Variants in SPINK9 observed in about 807,000 individuals in gnomAD.
SPINK9 encodes the protein serine peptidase inhibitor Kazal type 9.
In SPINK9, 3 loss-of-function variants were observed where a neutral mutation model predicts 10.8. The ratio of observed to expected loss-of-function variants is 0.28; its 90% CI spans 0.13 to 0.72. The LOEUF (loss-of-function observed/expected upper bound fraction) is 0.72. Ranked by LOEUF, SPINK9 falls within the 30% of genes least tolerant of loss-of-function variation. The pLI is 0.74. For synonymous variants in SPINK9, 30 were observed against 31.2 expected, an observed-to-expected ratio of 0.96 and a Z score of 0.12; for missense variants, 101 against 103.2, an observed-to-expected ratio of 0.98 and a Z score of 0.09.
intron 2 of SPINK9, among the ~76,000 whole-genome samples, chr5:148,328,230 TA>T (rs1375626514): frequency 6.6e-6 from 1 of 152,182 alleles, no homozygotes; most frequent in Non-Finnish European, 1.5e-5. Context: ...ACATCCCTTG[TA>T]AGTTGGATTC....
In SPINK9 at chr5:148,339,784, T is replaced by G; in HGVS notation, c.*72T>G. 1 of 1,293,642 alleles carries G rather than the reference T, an allele frequency of 7.7e-7. No individual in the cohort carries two copies. The highest frequency in any genetic ancestry group is 1.2e-5 in the South Asian group (1 of 83,268). The allele number at this position is 1,293,642 out of a possible 1,614,324, so 80.1% of individuals were successfully genotyped here. A position where few individuals can be genotyped will look rare whatever the true frequency, so the allele number is the denominator to read the frequency against. On this transcript the variant is annotated 3_prime_UTR_variant, in exon 4 of 4. Coordinates refer to ENST00000377906, the MANE Select transcript of SPINK9 (RefSeq NM_001040433.2). ...GAGTCACATTTCTGTTCCCATATTA[T>G]CTATGCCACATTGCCTACTCATCAC... is the stretch of plus-strand genomic sequence containing the variant.
rs367752009 is a variant in SPINK9, at chr5:148,339,705, A to C, written c.254A>C (p.Lys85Thr). 2 of 1,612,194 alleles carry C rather than the reference A, an allele frequency of 1.2e-6. No individual in the cohort carries two copies. Among genetic ancestry groups the C allele is most frequent in the Non-Finnish European group, 1.7e-6 (2 of 1,178,756 alleles). ...ACACTTAAATTTGTACATTTTGGAA[A>C]ATGTTAAATCTATCTTGTGAGTCCA... ...DGTLKFVHFG[K>T]C The change falls in exon 4 of 4, where the codon AAA (lysine) becomes ACA (threonine). Residue 85 changes from lysine to threonine, a missense_variant. Coordinates refer to ENST00000377906, the MANE Select transcript of SPINK9 (RefSeq NM_001040433.2).
chr5:148,336,291 T>TA (rs2113422903), intron 1 of SPINK9, 131 bp from the exon 2 acceptor site: 1 of 940,570 alleles, frequency 1.1e-6, no homozygotes, highest in South Asian at 1.6e-5. Context: ...ACAATGCTGA[T>TA]ACACAGTTGT....
chr5:148,335,714 C>T lies in SPINK9; in HGVS notation c.55+46C>T, dbSNP rs747293724. The T allele has an allele frequency of 1.1e-5, 18 of 1,587,280 alleles. No individual in the cohort carries two copies. The Admixed American group carries it at 2.3e-4, about 21-fold the overall frequency. On this transcript the variant is annotated intron_variant, in intron 1 of 3. Coordinates refer to ENST00000377906, the MANE Select transcript of SPINK9 (RefSeq NM_001040433.2). ...TGCCCCTGCCCTTGTACTAATAGCT[C>T]ATGCAGTCTTCTGCCTATGTAATTC...
In SPINK9 at chr5:148,323,629, C is replaced by T. The variant is rs892518014; in HGVS notation, c.-72-50C>T. ...CCCACATGGGAAGCTGCTAACTTGC[C>T]GTCATATGAATGTGAAGTAAATTTG... is the stretch of plus-strand genomic sequence containing the variant. On this transcript the variant is annotated intron_variant, in intron 1 of 4. Coordinates refer to the SPINK9 transcript ENST00000511717. The T allele has an allele frequency of 9.7e-6, 5 of 517,348 alleles. No individual in the cohort carries two copies. In the East Asian group the frequency reaches 1.2e-4, roughly 13 times the overall value. 32.0% of individuals were successfully genotyped at this position (517,348 alleles called of 1,614,324 possible). A position where few individuals can be genotyped will look rare whatever the true frequency, so the allele number is the denominator to read the frequency against.
At position 148,329,360 on chromosome 5, in the gene SPINK9, G is replaced by A. The variant is rs373643578; in HGVS notation, c.118+5492G>A. ...TGGGATTGGTGGTGATATCCCCTTT[G>A]TCATTTTTTATTGCATCTATTTGAT... On this transcript the variant is annotated intron_variant, in intron 2 of 4. Transcript: ENST00000511717. 8.6e-5 allele frequency among the ~76,000 whole-genome samples: 13 copies of A among 151,878 alleles called. 1 individual carries two copies. Among genetic ancestry groups the A allele is most frequent in the Admixed American group, 7.2e-4 (11 of 15,236 alleles).
intron 1 of SPINK9, chr5:148,323,639 A>C (rs1757023713): frequency 7.5e-6 from 4 of 535,826 alleles, no homozygotes; most frequent in Admixed American, 6.6e-5. Flanking sequence ...CGTCATATGA[A>C]TGTGAAGTAA....
At chr5:148,323,453 C>T (rs2113408705) in intron 1 of SPINK9, among the ~76,000 whole-genome samples, 1 of 152,188 alleles carries the variant, frequency 6.6e-6, no homozygotes, top group Non-Finnish European at 1.5e-5. Flanking sequence ...CAAATGAGTT[C>T]CCACTGAAGT....
intron 2 of SPINK9, among the ~76,000 whole-genome samples, chr5:148,326,102 C>T (rs1011250051): frequency 2.6e-5 from 4 of 152,128 alleles, no homozygotes; most frequent in Non-Finnish European, 4.4e-5. Context: ...ATAAACATTT[C>T]TTGAATGAAG....
Position 148,339,785 on chromosome 5 carries a change from C to G in SPINK9, c.*73C>G. On this transcript the variant is annotated 3_prime_UTR_variant, in exon 4 of 4. Transcript: ENST00000377906. Reference sequence around the variant, plus strand: ...AGTCACATTTCTGTTCCCATATTATCTATGCCACATTGCCTACTCATCACC... The same window carrying G: ...AGTCACATTTCTGTTCCCATATTATGTATGCCACATTGCCTACTCATCACC... 1 of 1,282,184 alleles carries G rather than the reference C, an allele frequency of 7.8e-7. No individual in the cohort carries two copies. The highest frequency in any genetic ancestry group is 1.2e-5 in the South Asian group (1 of 82,846). 79.4% of individuals were successfully genotyped at this position (1,282,184 alleles called of 1,614,324 possible).
chr5:148,326,717 A>T (rs1424621266), intron 2 of SPINK9, among the ~76,000 whole-genome samples: 3 of 151,768 alleles, frequency 2.0e-5, no homozygotes, highest in Non-Finnish European at 4.4e-5. Context: ...CCTGTGTCCA[A>T]GTGTTCTCAT....
chr5:148,335,087 G>T (rs1333929435), upstream of SPINK9, among the ~76,000 whole-genome samples: 1 of 152,160 alleles, frequency 6.6e-6, no homozygotes, highest in Non-Finnish European at 1.5e-5. Context: ...GTAGTATAAA[G>T]TGTCCTCCAA....
upstream of SPINK9, among the ~76,000 whole-genome samples, chr5:148,333,176 G>A (rs1374702550): frequency 6.6e-6 from 1 of 152,132 alleles, no homozygotes; most frequent in Non-Finnish European, 1.5e-5. Flanking sequence ...AAGGAAACCA[G>A]GCTGCCACAT....
upstream of SPINK9, chr5:148,335,509 G>A (rs912169932): frequency 1.0e-6 from 1 of 981,318 alleles, no homozygotes; most frequent in Admixed American, 2.0e-5. Flanking sequence ...TTTCACAATT[G>A]AGGCAGGAAT....
At chr5:148,326,161 T>G (rs1561765535) in intron 2 of SPINK9, among the ~76,000 whole-genome samples, 1 of 152,184 alleles carries the variant, frequency 6.6e-6, no homozygotes, top group African/African-American at 2.4e-5. Flanking sequence ...ACATCTCTAA[T>G]TACTAGAGAA....
At chr5:148,323,112 T>G (rs1410412961) in intron 1 of SPINK9, among the ~76,000 whole-genome samples, 1 of 151,866 alleles carries the variant, frequency 6.6e-6, no homozygotes, top group Non-Finnish European at 1.5e-5. Flanking sequence ...AATATAAAAG[T>G]AAAAATAGAG....
upstream of SPINK9, among the ~76,000 whole-genome samples, chr5:148,331,293 AAAG>A (rs1757146492): frequency 6.6e-6 from 1 of 152,252 alleles, no homozygotes; most frequent in Non-Finnish European, 1.5e-5. Context: ...TTCAGCCTTA[AAAG>A]AAGGATATTC....
chr5:148,335,765 A>T (rs1451252853), intron 1 of SPINK9, 97 bp downstream of exon 1: 1 of 1,390,196 alleles, frequency 7.2e-7, no homozygotes, highest in Non-Finnish European at 1.0e-6. Flanking sequence ...TCATCACATA[A>T]ATAATAAGGG....
intron 3 of SPINK9, 142 bp from the exon 4 acceptor site, chr5:148,339,525 C>A: frequency 1.6e-6 from 1 of 627,384 alleles, no homozygotes; most frequent in Admixed American, 3.0e-5. Flanking sequence ...AAAAATATTT[C>A]TAAATTGCAG....
Sources: allele counts gnomAD v4.1 joint callset (sites outside exome capture counted in the v4.1 genomes callset), GRCh38; gene constraint gnomAD v4.1.1; transcripts MANE v1.5; gene names NCBI Gene and HGNC (gene_info 2026-07-23, HGNC 2026-07-21).